The following CCDC178 variants were observed in gnomAD, a reference collection of about 807,000 sequenced individuals.
CCDC178 encodes coiled-coil domain-containing protein 178.
In CCDC178, 126 loss-of-function variants were observed where a neutral mutation model predicts 117.4. The ratio of observed to expected loss-of-function variants is 1.07; its 90% confidence interval spans 0.93 to 1.24. CCDC178 has a LOEUF of 1.24. Ranked by LOEUF, CCDC178 falls within the 50% of genes most tolerant of loss-of-function variation. CCDC178 has a pLI of 0.00. For missense variants in CCDC178, 1,030 were observed against 986.9 expected, an observed-to-expected ratio of 1.04 and a Z score of -0.59; for synonymous variants, 283 against 313.4, an observed-to-expected ratio of 0.90 and a Z score of 1.02.
intron 15 of CCDC178, among the ~76,000 whole-genome samples, chr18:33,231,552 A>C (rs1204849239): frequency 2.0e-5 from 3 of 152,198 alleles, no homozygotes; most frequent in Non-Finnish European, 2.9e-5. Context: ...ATGGAGGTGG[A>C]TCCTGTGAGC....
chr18:33,313,636 T>C (rs1275022965), intron 11 of CCDC178, among the ~76,000 whole-genome samples: 3 of 152,142 alleles, frequency 2.0e-5, no homozygotes, highest in African/African-American at 7.2e-5. Flanking sequence ...ACTGGGATCT[T>C]CATGGAGCTA....
chr18:33,270,704 T>C (rs1349841385), intron 12 of CCDC178, among the ~76,000 whole-genome samples: 1 of 151,514 alleles, frequency 6.6e-6, no homozygotes, highest in East Asian at 1.9e-4. Context: ...GATAAACCTG[T>C]TCTATAAAAA....
intron 5 of CCDC178, among the ~76,000 whole-genome samples, chr18:33,373,369 AT>A (rs34183695): frequency 6.6e-6 from 1 of 151,350 alleles, no homozygotes; most frequent in African/African-American, 2.4e-5. Flanking sequence ...CTTCAATACA[AT>A]TTTTTTTTAC....
At chr18:32,964,668 C>T (rs568764330) in intron 22 of CCDC178, among the ~76,000 whole-genome samples, 16 of 152,000 alleles carry the variant, frequency 1.1e-4, no homozygotes, top group Admixed American at 2.0e-4. Context: ...GCTGTTTATA[C>T]CTGCTTCACG....
intron 20 of CCDC178, among the ~76,000 whole-genome samples, chr18:33,109,707 C>CCATAT (rs1325971496): frequency 1.3e-5 from 2 of 151,376 alleles, no homozygotes; most frequent in African/African-American, 4.8e-5. Flanking sequence ...CATATAATTA[C>CCATAT]AATATAGTAC....
chr18:33,248,884 C>G (rs1469592010), intron 14 of CCDC178, among the ~76,000 whole-genome samples: 4 of 152,056 alleles, frequency 2.6e-5, no homozygotes, highest in Non-Finnish European at 4.4e-5. Context: ...GTCCCACCAA[C>G]AGTGTAAAAG....
chr18:33,084,974 C>T (rs192220491), intron 21 of CCDC178, among the ~76,000 whole-genome samples: 131 of 152,116 alleles, frequency 8.6e-4, no homozygotes, highest in Non-Finnish European at 4.9e-4. Context: ...TACCATGGTG[C>T]TATTCCTTCA....
At chr18:33,371,649 A>G (rs1382687139) in intron 5 of CCDC178, among the ~76,000 whole-genome samples, 1 of 151,950 alleles carries the variant, frequency 6.6e-6, no homozygotes, top group Non-Finnish European at 1.5e-5. Flanking sequence ...TACATTTTGA[A>G]TGCTCCTTCA....
At chr18:33,226,669 G>T in intron 16 of CCDC178, 124 bp downstream of exon 16, 1 of 566,834 alleles carries the variant, frequency 1.8e-6, no homozygotes, top group East Asian at 3.1e-5. Context: ...CATCAGCTAA[G>T]GAGAGAAAAC....
intron 9 of CCDC178, among the ~76,000 whole-genome samples, chr18:33,343,578 C>A (rs2062845505): frequency 1.3e-5 from 2 of 152,096 alleles, no homozygotes; most frequent in African/African-American, 2.4e-5. Context: ...CACAGATTCC[C>A]ATGGGTTGAG....
intron 21 of CCDC178, among the ~76,000 whole-genome samples, chr18:32,986,595 T>C (rs1956510367): frequency 6.6e-6 from 1 of 152,150 alleles, no homozygotes; most frequent in African/African-American, 2.4e-5. Context: ...TGAGAGTTTA[T>C]TTCTATTGAA....
chr18:33,122,660 A>G (rs1176927992), intron 20 of CCDC178, among the ~76,000 whole-genome samples: 1 of 152,164 alleles, frequency 6.6e-6, no homozygotes, highest in Non-Finnish European at 1.5e-5. Context: ...ATGAGCAACA[A>G]TGCAACTAGC....
At chr18:33,314,715 C>A (rs762160768) in intron 11 of CCDC178, among the ~76,000 whole-genome samples, 9 of 152,166 alleles carry the variant, frequency 5.9e-5, no homozygotes, top group Non-Finnish European at 1.3e-4. Flanking sequence ...TTAAAACCTG[C>A]AGATGGGGGA....
chr18:33,328,094 T>TG, intron 10 of CCDC178: 1 of 158,290 alleles, frequency 6.3e-6, no homozygotes, highest in South Asian at 5.0e-5. Context: ...TTTTTTTTTT[T>TG]TTTTTTTTTT....
chr18:33,195,127 A>AAGAG (rs537974531), intron 20 of CCDC178, among the ~76,000 whole-genome samples: 3 of 143,134 alleles, frequency 2.1e-5, no homozygotes, highest in Non-Finnish European at 3.0e-5. Context: ...TTAAAAAAAA[A>AAGAG]AGAGAGAGAG....
At chr18:32,976,722 A>G (rs952370869) in intron 21 of CCDC178, among the ~76,000 whole-genome samples, 4 of 152,124 alleles carry the variant, frequency 2.6e-5, no homozygotes, top group Non-Finnish European at 5.9e-5. Context: ...TGCAGTTTAC[A>G]GATTTTTTTA....
chr18:33,287,771 A>G (rs755054276), intron 12 of CCDC178, among the ~76,000 whole-genome samples: 2 of 152,052 alleles, frequency 1.3e-5, no homozygotes, highest in Non-Finnish European at 2.9e-5. Context: ...AGAGAGAGAC[A>G]CCGTCTCAAA....
intron 15 of CCDC178, among the ~76,000 whole-genome samples, chr18:33,233,486 T>C (rs2059390840): frequency 6.6e-6 from 1 of 152,064 alleles, no homozygotes. Context: ...CAAATAACTA[T>C]CATTATGTTC....
At chr18:33,217,182 T>C (rs915226336) in intron 18 of CCDC178, among the ~76,000 whole-genome samples, 4 of 152,098 alleles carry the variant, frequency 2.6e-5, no homozygotes, top group Non-Finnish European at 5.9e-5. Context: ...AGTTTCATTA[T>C]AGAATGATTT....
Sources: allele counts gnomAD v4.1 joint callset (sites outside exome capture counted in the v4.1 genomes callset), GRCh38; gene constraint gnomAD v4.1.1; transcripts MANE v1.5; gene names NCBI Gene and HGNC (gene_info 2026-07-23, HGNC 2026-07-21).